The following ITPR2 variants were observed in gnomAD, a reference collection of about 807,000 sequenced individuals.
ITPR2 encodes inositol 1,4,5-trisphosphate receptor type 2.
In ITPR2, 207 loss-of-function variants were observed where a neutral mutation model predicts 317.1. That is an observed-to-expected ratio of 0.65 (90% CI 0.58 to 0.73). The LOEUF (loss-of-function observed/expected upper bound fraction) is 0.73. ITPR2 is among the 30% of genes least tolerant of loss of function. The pLI is 0.00. For synonymous variants in ITPR2, 1,156 were observed against 1,149.1 expected (o/e 1.01, Z -0.12); for missense variants, 2,613 against 3,284.0 (o/e 0.80, Z 4.99).
intron 39 of ITPR2, among the ~76,000 whole-genome samples, chr12:26,488,089 G>T: frequency 6.6e-6 from 1 of 152,098 alleles, no homozygotes; most frequent in South Asian, 2.1e-4. Flanking sequence ...GTAGGAGGTA[G>T]GAAAGATAAC....
At chr12:26,561,033 T>C (rs1324187703) in intron 35 of ITPR2, among the ~76,000 whole-genome samples, 1 of 152,204 alleles carries the variant, frequency 6.6e-6, no homozygotes, top group Non-Finnish European at 1.5e-5. Flanking sequence ...TCTTTAGAGC[T>C]AGGGCTTTCA....
intron 13 of ITPR2, among the ~76,000 whole-genome samples, chr12:26,668,989 G>A (rs1947689097): frequency 6.6e-6 from 1 of 152,048 alleles, no homozygotes; most frequent in African/African-American, 2.4e-5. Flanking sequence ...GAGGTGGCAT[G>A]CGCCTATGGT....
chr12:26,394,567 A>C (rs766333444), intron 54 of ITPR2, among the ~76,000 whole-genome samples: 4 of 152,150 alleles, frequency 2.6e-5, no homozygotes, highest in African/African-American at 9.7e-5. Context: ...TTGAGCTATA[A>C]ATGGGAGAAC....
chr12:26,362,966 C>T (rs547468902), intron 55 of ITPR2, among the ~76,000 whole-genome samples: 1 of 152,274 alleles, frequency 6.6e-6, no homozygotes, highest in South Asian at 2.1e-4. Context: ...AAAAACTAAG[C>T]TACACAGTTA....
In ITPR2 at chr12:26,622,325, TC is replaced by T; in HGVS notation, c.3202del (p.Asp1068ThrfsTer39). 1.9e-6 allele frequency: 3 copies of T among 1,614,044 alleles called. No homozygotes were observed. The highest frequency in any genetic ancestry group is 1.7e-6 in the Non-Finnish European group (2 of 1,179,976). On this transcript the variant is annotated frameshift_variant, in exon 25 of 57. Coordinates refer to ENST00000381340, the MANE Select transcript of ITPR2 (RefSeq NM_002223.4). LOFTEE classifies it high-confidence loss of function. Reference sequence around the variant, plus strand: ...GGCTCCAGACAGCAAAGGCGGGTAGTCGTGCATGATCAGATGAATGAGGACC... The same window carrying T: ...GGCTCCAGACAGCAAAGGCGGGTAGTGTGCATGATCAGATGAATGAGGACC... ...LRVLIHLIMH[D>X]YPPLLSGALQ...
rs933010965 is a variant in ITPR2, at chr12:26,356,168, C to T, written c.7858-15840G>A. On this transcript the variant is annotated intron_variant, in intron 55 of 56. Coordinates refer to ENST00000381340, the MANE Select transcript of ITPR2 (RefSeq NM_002223.4). ...TGTCTTGCTGACTCTGGGAACTGGA[C>T]CCAGTACAGGGTGGTGCACAGCTGG... Among the ~76,000 whole-genome samples, 5 of 152,240 alleles carry T rather than the reference C, an allele frequency of 3.3e-5. No homozygotes were observed. In the South Asian group the frequency reaches 8.3e-4, roughly 25 times the overall value.
rs143517066 is a variant in ITPR2, at chr12:26,577,912, A to AT, written c.4630+800dup. 5.3e-3 allele frequency among the ~76,000 whole-genome samples: 807 copies of AT among 152,338 alleles called. 6 individuals carry two copies. The highest frequency in any genetic ancestry group is 0.018 in the African/African-American group (728 of 41,578). On this transcript the variant is annotated intron_variant, in intron 34 of 56. Coordinates refer to ENST00000381340, the MANE Select transcript of ITPR2 (RefSeq NM_002223.4). ...TTTTCTTAACTATCAAATGTAAATA[A>AT]TTTAAAACCTATCTAAGGATTAAAT...
chr12:26,543,944 T>G (rs1054998195), intron 37 of ITPR2, among the ~76,000 whole-genome samples: 2 of 152,198 alleles, frequency 1.3e-5, no homozygotes, highest in Admixed American at 1.3e-4. Context: ...AACTAAGCTC[T>G]CAGACTTGTT....
chr12:26,578,174 T>TTC (rs140732351), intron 34 of ITPR2, among the ~76,000 whole-genome samples: 1,818 of 147,200 alleles, frequency 0.012, 112 homozygotes, highest in Admixed American at 0.11. Flanking sequence ...CTTATTAACT[T>TTC]TCTCTCTCTC....
chr12:26,479,660 C>T (rs1942501434), intron 43 of ITPR2, among the ~76,000 whole-genome samples: 2 of 152,070 alleles, frequency 1.3e-5, no homozygotes, highest in African/African-American at 2.4e-5. Context: ...GGTAATGAAT[C>T]GAGGGGCACA....
At position 26,529,131 on chromosome 12, in the gene ITPR2, C is replaced by T. The variant is rs115446621; in HGVS notation, c.5073+21116G>A. 6.2e-3 allele frequency among the ~76,000 whole-genome samples: 951 copies of T among 152,332 alleles called. 10 individuals are homozygous for T. Among genetic ancestry groups the T allele is most frequent in the African/African-American group, 0.022 (900 of 41,578 alleles). Reference sequence around the variant, plus strand: ...TTTCACTCTTGCCCTCTTAAGCGTACTCTACACTTAAGCTGACACAGTAGT... The same window carrying T: ...TTTCACTCTTGCCCTCTTAAGCGTATTCTACACTTAAGCTGACACAGTAGT... On this transcript the variant is annotated intron_variant, in intron 37 of 56. Transcript: ENST00000381340.
intron 37 of ITPR2, among the ~76,000 whole-genome samples, chr12:26,522,474 G>C (rs532521201): frequency 6.6e-6 from 1 of 152,178 alleles, no homozygotes; most frequent in African/African-American, 2.4e-5. Context: ...CAGTGTTTGG[G>C]GACCATTATT....
Position 26,663,756 on chromosome 12 carries a change from G to GT in ITPR2, c.1641dup (p.Pro548ThrfsTer29), listed in dbSNP as rs1199057870. ...CAGAGCCGCAGCATGTACTTGTAGG[G>GT]TGCATATCTTTGATCCCCCAGATCT... On this transcript the variant is annotated frameshift_variant, in exon 15 of 57. Transcript: ENST00000381340. LOFTEE classifies it high-confidence loss of function. The GT allele has an allele frequency of 6.2e-7, 1 of 1,613,948 alleles. No homozygotes were observed. The highest frequency in any genetic ancestry group is 1.3e-5 in the African/African-American group (1 of 74,914).
At position 26,516,278 on chromosome 12, in the gene ITPR2, AAG is replaced by A. The variant is rs1565574564; in HGVS notation, c.5074-21020_5074-21019del. Among the ~76,000 whole-genome samples the A allele has an allele frequency of 1.1e-3, 95 of 82,760 alleles. 7 individuals are homozygous for A. Among genetic ancestry groups the A allele is most frequent in the African/African-American group, 2.9e-3 (63 of 21,680 alleles). The allele number at this position is 82,760 out of a possible 152,430, so 54.3% of individuals were successfully genotyped here. ...AAAGGAAAGGAAAGGAAAGGAAGGG[AAG>A]GGAAGGGAAAGGAAAGGAAAGGAAA... On this transcript the variant is annotated intron_variant, in intron 37 of 56. Transcript: ENST00000381340.
intron 37 of ITPR2, among the ~76,000 whole-genome samples, chr12:26,539,320 C>T (rs1220001161): frequency 6.6e-6 from 1 of 152,170 alleles, no homozygotes; most frequent in Non-Finnish European, 1.5e-5. Context: ...TAGTTGCTCT[C>T]ATTAATCTAA....
chr12:26,611,941 G>A (rs1026393019), intron 26 of ITPR2, among the ~76,000 whole-genome samples: 1 of 152,138 alleles, frequency 6.6e-6, no homozygotes, highest in Admixed American at 6.5e-5. Context: ...CAGAAATGAT[G>A]GTACAGTCTT....
intron 1 of ITPR2, among the ~76,000 whole-genome samples, chr12:26,810,840 T>C (rs1421589164): frequency 6.6e-6 from 1 of 152,196 alleles, no homozygotes; most frequent in African/African-American, 2.4e-5. Context: ...CATTTATTTA[T>C]TTATTTTTAT....
intron 46 of ITPR2, 104 bp from the exon 47 acceptor site, chr12:26,439,423 T>C: frequency 1.2e-6 from 1 of 818,950 alleles, no homozygotes; most frequent in Non-Finnish European, 1.9e-6. Flanking sequence ...ATGAATTCAG[T>C]TGTGAAAAAA....
At chr12:26,512,961 A>G (rs1216789014) in intron 37 of ITPR2, among the ~76,000 whole-genome samples, 3 of 150,822 alleles carry the variant, frequency 2.0e-5, no homozygotes, top group Non-Finnish European at 4.4e-5. Flanking sequence ...AGCTGGGATT[A>G]CAGGTGCCCA....
Sources: allele counts gnomAD v4.1 joint callset (sites outside exome capture counted in the v4.1 genomes callset), GRCh38; gene constraint gnomAD v4.1.1; transcripts MANE v1.5; gene names NCBI Gene and HGNC (gene_info 2026-07-23, HGNC 2026-07-21).